Variants in JMJD1C observed in about 807,000 individuals in gnomAD.
JMJD1C encodes jumonji domain containing 1C.
A neutral mutation model predicts 245.3 loss-of-function variants in JMJD1C; 31 were observed. That is an observed-to-expected ratio of 0.13 (90% CI 0.09 to 0.17). The LOEUF (loss-of-function observed/expected upper bound fraction) is 0.17. Among genes scored for constraint, JMJD1C ranks in the 10% least tolerant of loss-of-function variants. JMJD1C has a pLI of 1.00. For synonymous variants in JMJD1C, 1,057 were observed against 1,017.4 expected (o/e 1.04, Z -0.74); for missense variants, 2,691 against 3,000.2 (o/e 0.90, Z 2.41).
intron 2 of JMJD1C, among the ~76,000 whole-genome samples, chr10:63,292,144 A>ATTTTTTTTTTGTTTTTTTTTTT (rs1858840753): frequency 1.8e-5 from 1 of 56,326 alleles, no homozygotes; most frequent in Non-Finnish European, 3.2e-5. Context: ...GTAGAGACAG[A>ATTTTTTTTTTGTTTTTTTTTTT]TTTTTTTTTT....
intron 14 of JMJD1C, among the ~76,000 whole-genome samples, chr10:63,193,918 G>A (rs1845145568): frequency 6.6e-6 from 1 of 152,164 alleles, no homozygotes; most frequent in Non-Finnish European, 1.5e-5. Context: ...CGCCGGCCTT[G>A]GCCTCCCAAA....
At chr10:63,505,006 T>C (rs1277825670) in intron 1 of JMJD1C, among the ~76,000 whole-genome samples, 1 of 152,034 alleles carries the variant, frequency 6.6e-6, no homozygotes, top group Non-Finnish European at 1.5e-5. Flanking sequence ...AGCAAGGTCT[T>C]ATCTCCATTT....
At chr10:63,169,505 G>C (rs922013238) in intron 24 of JMJD1C, among the ~76,000 whole-genome samples, 1 of 152,080 alleles carries the variant, frequency 6.6e-6, no homozygotes, top group Non-Finnish European at 1.5e-5. Context: ...GGAGTGAGAT[G>C]AAAGAGATAG....
At chr10:63,383,652 A>C (rs1456175647) in intron 1 of JMJD1C, among the ~76,000 whole-genome samples, 1 of 152,200 alleles carries the variant, frequency 6.6e-6, no homozygotes, top group Non-Finnish European at 1.5e-5. Flanking sequence ...ATGAGCCATG[A>C]TCACACCACT....
intron 1 of JMJD1C, among the ~76,000 whole-genome samples, chr10:63,419,848 A>AG (rs1226243680): frequency 1.3e-5 from 2 of 150,878 alleles, no homozygotes; most frequent in Non-Finnish European, 3.0e-5. Context: ...AAAAAAAAAA[A>AG]AAAAAAAGGC....
intron 1 of JMJD1C, among the ~76,000 whole-genome samples, chr10:63,441,497 C>T (rs894028051): frequency 6.6e-6 from 1 of 152,144 alleles, no homozygotes; most frequent in Non-Finnish European, 1.5e-5. Context: ...TAAGACAATA[C>T]GTAGCACACA....
chr10:63,209,336 T>A, intron 8 of JMJD1C, 101 bp from the exon 9 acceptor site: 1 of 888,124 alleles, frequency 1.1e-6, no homozygotes, highest in Non-Finnish European at 1.6e-6. Context: ...GGTGGTTTAT[T>A]AGTTCATTCA....
intron 3 of JMJD1C, among the ~76,000 whole-genome samples, chr10:63,221,639 C>T (rs1405172492): frequency 6.6e-6 from 1 of 152,224 alleles, no homozygotes; most frequent in Non-Finnish European, 1.5e-5. Flanking sequence ...ACAGTACACA[C>T]TTAGAAAGTC....
At chr10:63,169,024 T>TAA (rs911987306) in intron 24 of JMJD1C, among the ~76,000 whole-genome samples, 1 of 152,196 alleles carries the variant, frequency 6.6e-6, no homozygotes, top group African/African-American at 2.4e-5. Flanking sequence ...AAATGAAACT[T>TAA]TGTTAGGAAC....
intron 1 of JMJD1C, among the ~76,000 whole-genome samples, chr10:63,471,774 T>C (rs1466774365): frequency 6.6e-6 from 1 of 152,172 alleles, no homozygotes; most frequent in Non-Finnish European, 1.5e-5. Flanking sequence ...ATGGTAGCTC[T>C]CACCTGTAAT....
intron 2 of JMJD1C, among the ~76,000 whole-genome samples, chr10:63,288,013 G>A (rs1351341878): frequency 6.6e-6 from 1 of 152,136 alleles, no homozygotes; most frequent in African/African-American, 2.4e-5. Flanking sequence ...CCAAAGAGCT[G>A]CGATTACAGG....
chr10:63,246,015 T>C (rs763690684), intron 3 of JMJD1C, among the ~76,000 whole-genome samples: 1 of 152,024 alleles, frequency 6.6e-6, no homozygotes, highest in Non-Finnish European at 1.5e-5. Context: ...ATAGGCTATT[T>C]AAGAATCCTG....
intron 1 of JMJD1C, among the ~76,000 whole-genome samples, chr10:63,499,975 T>C (rs1261797938): frequency 6.6e-6 from 1 of 152,238 alleles, no homozygotes. Context: ...TAACACTTAG[T>C]AGTCTACTTT....
intron 1 of JMJD1C, among the ~76,000 whole-genome samples, chr10:63,520,539 C>T (rs1955179706): frequency 6.6e-6 from 1 of 151,848 alleles, no homozygotes; most frequent in Non-Finnish European, 1.5e-5. Context: ...AAAAGTCTGC[C>T]CTTGAAATGA....
chr10:63,380,749 C>T (rs1947149431), intron 1 of JMJD1C, among the ~76,000 whole-genome samples: 1 of 152,126 alleles, frequency 6.6e-6, no homozygotes, highest in Non-Finnish European at 1.5e-5. Flanking sequence ...ACTGTGCTAT[C>T]GAACACTAGC....
intron 2 of JMJD1C, among the ~76,000 whole-genome samples, chr10:63,295,933 G>GTACACA: frequency 1.8e-5 from 1 of 55,462 alleles, no homozygotes; most frequent in Non-Finnish European, 3.7e-5. Flanking sequence ...ATGTACATGT[G>GTACACA]TATACATATA....
At chr10:63,253,978 T>C (rs1471294996) in intron 3 of JMJD1C, among the ~76,000 whole-genome samples, 1 of 152,174 alleles carries the variant, frequency 6.6e-6, no homozygotes, top group Non-Finnish European at 1.5e-5. Context: ...ACCTGGCCCT[T>C]AAATATATGA....
chr10:63,347,932 G>A (rs1017460807), intron 2 of JMJD1C, among the ~76,000 whole-genome samples: 4 of 151,962 alleles, frequency 2.6e-5, no homozygotes, highest in East Asian at 1.9e-4. Flanking sequence ...AGAAATTACC[G>A]CTGGGTGCAA....
intron 1 of JMJD1C, among the ~76,000 whole-genome samples, chr10:63,491,532 G>A (rs1050732102): frequency 1.3e-5 from 2 of 152,100 alleles, no homozygotes; most frequent in Admixed American, 1.3e-4. Flanking sequence ...AGAAAATGAA[G>A]AAAAGGAAAA....
Sources: allele counts gnomAD v4.1 joint callset (sites outside exome capture counted in the v4.1 genomes callset), GRCh38; gene constraint gnomAD v4.1.1; transcripts MANE v1.5; gene names NCBI Gene and HGNC (gene_info 2026-07-23, HGNC 2026-07-21).